The following SLC25A26 variants were observed in gnomAD, a reference collection of about 807,000 sequenced individuals.
SLC25A26 encodes the protein mitochondrial S-adenosylmethionine carrier protein.
A neutral mutation model predicts 37.8 loss-of-function variants in SLC25A26; 36 were observed. The ratio of observed to expected loss-of-function variants is 0.95; its 90% CI spans 0.73 to 1.26. SLC25A26 has a LOEUF of 1.26. Ranked by LOEUF, SLC25A26 falls within the 50% of genes most tolerant of loss-of-function variation. The probability of loss-of-function intolerance (pLI) is 0.00; values close to 1 mark genes in which losing one functional copy is unlikely to be tolerated. For missense variants in SLC25A26, 390 were observed against 331.1 expected (o/e 1.18, Z -1.38); for synonymous variants, 129 against 122.5 (o/e 1.05, Z -0.35).
intron 1 of SLC25A26, among the ~76,000 whole-genome samples, chr3:66,235,733 TC>T (rs2072247409): frequency 6.6e-6 from 1 of 152,348 alleles, no homozygotes; most frequent in East Asian, 1.9e-4. Flanking sequence ...TTGTACATCA[TC>T]TTTTCTTTTT....
chr3:66,157,928 T>G (rs1359535533), intron 1 of SLC25A26, among the ~76,000 whole-genome samples: 1 of 152,242 alleles, frequency 6.6e-6, no homozygotes, highest in Non-Finnish European at 1.5e-5. Flanking sequence ...TCAGGTCAAA[T>G]GCAGAATTTC....
intron 1 of SLC25A26, among the ~76,000 whole-genome samples, chr3:66,156,913 T>C (rs539232748): frequency 6.6e-5 from 10 of 152,006 alleles, no homozygotes; most frequent in Middle Eastern, 6.3e-3. Flanking sequence ...GCAACTAACT[T>C]CAGGGCAGTT....
intron 5 of SLC25A26, among the ~76,000 whole-genome samples, chr3:66,312,594 C>A (rs1361613566): frequency 6.6e-6 from 1 of 152,082 alleles, no homozygotes; most frequent in African/African-American, 2.4e-5. Flanking sequence ...AAACAGCCAC[C>A]CAGTTTTGTG....
At chr3:66,220,767 A>G (rs568023182), upstream of SLC25A26, 184 of 438,336 alleles carry the variant, frequency 4.2e-4, 2 homozygotes, top group South Asian at 2.6e-3. Flanking sequence ...GCCTCATTCT[A>G]CCGCTGCTCT....
chr3:66,344,557 T>C (rs2076278053), intron 5 of SLC25A26, among the ~76,000 whole-genome samples: 1 of 152,178 alleles, frequency 6.6e-6, no homozygotes, highest in Non-Finnish European at 1.5e-5. Flanking sequence ...CACCCACATG[T>C]AGTGATAATG....
chr3:66,241,270 T>C (rs908441612), intron 2 of SLC25A26, among the ~76,000 whole-genome samples: 1 of 152,098 alleles, frequency 6.6e-6, no homozygotes, highest in Non-Finnish European at 1.5e-5. Flanking sequence ...GATTGGGCAT[T>C]GGATGTTATA....
chr3:66,231,310 G>A (rs1312640135), intron 1 of SLC25A26, among the ~76,000 whole-genome samples: 2 of 152,126 alleles, frequency 1.3e-5, no homozygotes, highest in Admixed American at 6.6e-5. Flanking sequence ...GAGGTTCTTA[G>A]TTACCGTTTG....
At chr3:66,244,124 T>C (rs1039657710) in intron 3 of SLC25A26, among the ~76,000 whole-genome samples, 11 of 152,178 alleles carry the variant, frequency 7.2e-5, no homozygotes, top group African/African-American at 2.7e-4. Flanking sequence ...CAAATCTCTA[T>C]AATCCTTATC....
intron 5 of SLC25A26, among the ~76,000 whole-genome samples, chr3:66,311,083 T>A (rs2075363161): frequency 6.6e-6 from 1 of 152,214 alleles, no homozygotes; most frequent in Non-Finnish European, 1.5e-5. Context: ...TCCTCAAGTG[T>A]GTTTTCCAAC....
Position 66,284,111 on chromosome 3 carries a change from C to T in SLC25A26, c.453+20732C>T, listed in dbSNP as rs1384158033. 2.0e-5 allele frequency among the ~76,000 whole-genome samples: 3 copies of T among 152,170 alleles called. No homozygotes were observed. In the East Asian group the frequency reaches 5.8e-4, roughly 29 times the overall value. ...CCTGTTATCCCAGCACTTTGGGAGGCTGAGGCAAGAGGGTCACTTGAGCCC... is the reference window on the plus strand; with the variant it reads ...CCTGTTATCCCAGCACTTTGGGAGGTTGAGGCAAGAGGGTCACTTGAGCCC... On this transcript the variant is annotated intron_variant, in intron 5 of 9. Transcript: ENST00000354883.
At chr3:66,369,769 C>G (rs1345660908) in intron 8 of SLC25A26, among the ~76,000 whole-genome samples, 1 of 152,208 alleles carries the variant, frequency 6.6e-6, no homozygotes, top group African/African-American at 2.4e-5. Flanking sequence ...GGTAGAGCCA[C>G]TGCCTGGCAG....
intron 1 of SLC25A26, among the ~76,000 whole-genome samples, chr3:66,232,330 C>G (rs1475757181): frequency 6.6e-6 from 1 of 151,940 alleles, no homozygotes; most frequent in African/African-American, 2.4e-5. Flanking sequence ...TGGGAATTGC[C>G]TGGTCCTGTC....
chr3:66,368,297 CTG>C (rs1356124910), intron 7 of SLC25A26, among the ~76,000 whole-genome samples: 1 of 152,176 alleles, frequency 6.6e-6, no homozygotes, highest in Admixed American at 6.5e-5. Flanking sequence ...TTTATTATTT[CTG>C]TCTCTGTAGG....
At chr3:66,194,344 G>A (rs1310751593) in intron 1 of SLC25A26, among the ~76,000 whole-genome samples, 1 of 152,172 alleles carries the variant, frequency 6.6e-6, no homozygotes, top group Non-Finnish European at 1.5e-5. Flanking sequence ...GCTTGGTTTT[G>A]TTTTCCCACC....
intron 5 of SLC25A26, among the ~76,000 whole-genome samples, chr3:66,272,259 G>A (rs1231546604): frequency 6.6e-6 from 1 of 151,986 alleles, no homozygotes; most frequent in African/African-American, 2.4e-5. Context: ...TACCAGTAAG[G>A]GAGAGATCAG....
chr3:66,280,144 A>G (rs2074288146), intron 5 of SLC25A26, among the ~76,000 whole-genome samples: 1 of 152,214 alleles, frequency 6.6e-6, no homozygotes, highest in Non-Finnish European at 1.5e-5. Flanking sequence ...AGAACAACAC[A>G]TCTCAATCAT....
intron 1 of SLC25A26, among the ~76,000 whole-genome samples, chr3:66,209,933 T>C (rs2071261269): frequency 1.5e-5 from 1 of 65,966 alleles, no homozygotes; most frequent in African/African-American, 6.1e-5. Context: ...TATATATATA[T>C]ATATATATAT....
intron 1 of SLC25A26, among the ~76,000 whole-genome samples, chr3:66,194,654 G>C (rs983037345): frequency 6.6e-6 from 1 of 152,192 alleles, no homozygotes; most frequent in African/African-American, 2.4e-5. Context: ...GCCCAGGCTG[G>C]AGTGCAATGG....
intron 5 of SLC25A26, among the ~76,000 whole-genome samples, chr3:66,284,447 A>G (rs2074442812): frequency 6.6e-6 from 1 of 152,228 alleles, no homozygotes; most frequent in Admixed American, 6.5e-5. Flanking sequence ...GAAGATCCAT[A>G]TAAGCTGATT....
Sources: allele counts gnomAD v4.1 joint callset (sites outside exome capture counted in the v4.1 genomes callset), GRCh38; gene constraint gnomAD v4.1.1; transcripts MANE v1.5; gene names NCBI Gene and HGNC (gene_info 2026-07-23, HGNC 2026-07-21).